Variants in LUC7L observed in about 807,000 individuals in gnomAD.
The protein encoded by LUC7L is putative RNA-binding protein Luc7-like 1.
Under a neutral mutation model 51.1 loss-of-function variants are expected in LUC7L, and 29 were observed. The observed-to-expected ratio is 0.57, with a 90% CI of 0.42 to 0.77. The LOEUF is 0.77. Ranked by LOEUF, LUC7L falls within the 30% of genes least tolerant of loss-of-function variation. The pLI is 0.00. For synonymous variants in LUC7L, 181 were observed against 180.7 expected (o/e 1.00, Z -0.01); for missense variants, 403 against 511.9 (o/e 0.79, Z 2.05).
intron 3 of LUC7L, among the ~76,000 whole-genome samples, chr16:218,130 T>C (rs1596666344): frequency 6.6e-6 from 1 of 150,728 alleles, no homozygotes; most frequent in African/African-American, 2.4e-5. Flanking sequence ...GAGGTGGAGG[T>C]TACAGTGAGC....
chr16:218,885 G>T (rs369556026), intron 3 of LUC7L, among the ~76,000 whole-genome samples: 19 of 119,844 alleles, frequency 1.6e-4, no homozygotes, highest in African/African-American at 6.0e-4. Context: ...GAGGGCAGAA[G>T]TTTGAGACCA....
At chr16:204,642 AT>A (rs1344832779) in intron 5 of LUC7L, among the ~76,000 whole-genome samples, 3 of 152,060 alleles carry the variant, frequency 2.0e-5, no homozygotes, top group Non-Finnish European at 4.4e-5. Context: ...AATAAAATAC[AT>A]TTATAGTACT....
chr16:209,451 C>G (rs528426155), intron 3 of LUC7L: 1 of 145,984 alleles, frequency 6.9e-6, no homozygotes, highest in East Asian at 2.0e-4. Context: ...GATGGCACCA[C>G]TGCACTCCAG....
intron 3 of LUC7L, among the ~76,000 whole-genome samples, chr16:218,610 A>G (rs1465235668): frequency 2.6e-5 from 4 of 152,006 alleles, no homozygotes; most frequent in African/African-American, 7.2e-5. Context: ...AATCTCAGCT[A>G]CTTGGGAGGC....
At chr16:214,918 C>G (rs574911517) in intron 3 of LUC7L, among the ~76,000 whole-genome samples, 1 of 152,224 alleles carries the variant, frequency 6.6e-6, no homozygotes, top group East Asian at 1.9e-4. Context: ...GGCAGAGATA[C>G]TTTTAGGCCA....
rs951723750 is a variant in LUC7L at position 218,949 on chromosome 16, A to G, written c.255+1700T>C. Among the ~76,000 whole-genome samples, 122 of 145,178 alleles carry G rather than the reference A, an allele frequency of 8.4e-4. 1 individual carries two copies. The highest frequency in any genetic ancestry group is 1.6e-3 in the South Asian group (7 of 4,330). ...CAAAAAAAAAAAAAAAAAAAAAAAA[A>G]AAGGCCGGGTGTGGTGGCACACACC... On this transcript the variant is annotated intron_variant, in intron 3 of 9. Coordinates refer to ENST00000293872, the MANE Select transcript of LUC7L (RefSeq NM_201412.3).
In LUC7L at chr16:190,021, C is replaced by T. The variant is rs540234635; in HGVS notation, c.921G>A (p.Arg307=). 6 of 1,614,066 alleles carry T rather than the reference C, an allele frequency of 3.7e-6. No homozygotes were observed. In the African/African-American group the frequency reaches 5.3e-5, roughly 14 times the overall value. Residue 307 remains arginine (R), a synonymous_variant, in exon 9 of 10, where the codon CGG becomes CGA. Coordinates refer to ENST00000293872, the MANE Select transcript of LUC7L (RefSeq NM_201412.3). ...DRHRRHRSRS[R]SHSRGHRRAS... ...CCCGACGATGTCCCCGGCTGTGGCT[C>T]CGGGAACGGCTGCGGTGGCGCCGAT...
At chr16:192,502 CTTT>C (rs398058029) in intron 7 of LUC7L, among the ~76,000 whole-genome samples, 12 of 125,622 alleles carry the variant, frequency 9.6e-5, no homozygotes, top group Admixed American at 3.5e-4. Context: ...ATGCTGTTTA[CTTT>C]TTTTTTTTTT....
rs1360653910 is a variant in LUC7L at position 206,049 on chromosome 16, A to G, written c.465T>C (p.Ile155=). ...CACGAACTTTTTCCACTTCCATAAG[A>G]ATCTTCTGGGATTCATCCACATTAC... ...AEGNVDESQK[I]LMEVEKVRAK... The change falls in exon 5 of 10, where the codon ATT becomes ATC. Residue 155 remains isoleucine, a synonymous_variant. Transcript: ENST00000293872. The G allele has an allele frequency of 8.7e-6, 14 of 1,613,558 alleles. No individual in the cohort carries two copies. Among genetic ancestry groups the G allele is most frequent in the Non-Finnish European group, 1.2e-5 (14 of 1,179,948 alleles).
chr16:200,822 C>T (rs2049302529), intron 5 of LUC7L, among the ~76,000 whole-genome samples: 1 of 151,962 alleles, frequency 6.6e-6, no homozygotes, highest in Non-Finnish European at 1.5e-5. Flanking sequence ...GTTGAAGGGG[C>T]AGTGACCTGT....
intron 1 of LUC7L, chr16:229,031 T>C (rs1245220669): frequency 5.6e-6 from 8 of 1,429,740 alleles, no homozygotes; most frequent in South Asian, 2.8e-5. Context: ...GGACGGTACA[T>C]AGGAAGGAGG....
chr16:191,029 G>A (rs2048996366), intron 7 of LUC7L, among the ~76,000 whole-genome samples: 1 of 152,174 alleles, frequency 6.6e-6, no homozygotes, highest in Admixed American at 6.6e-5. Flanking sequence ...TGAATGGGAA[G>A]TGCCAATGCT....
chr16:189,853 ACTCCTGAG>A, intron 9 of LUC7L, 107 bp downstream of exon 9: 1 of 1,487,924 alleles, frequency 6.7e-7, no homozygotes. Flanking sequence ...CCCCAGCCCT[ACTCCTGAG>A]GGTGAGCCCA....
At chr16:194,786 G>A (rs78369087) in intron 6 of LUC7L, among the ~76,000 whole-genome samples, 7,015 of 152,190 alleles carry the variant, frequency 0.046, 290 homozygotes, top group East Asian at 0.15. Context: ...TGAAAATACC[G>A]TCAACACAAG....
chr16:223,745 C>A (rs2050042890), intron 2 of LUC7L, among the ~76,000 whole-genome samples: 1 of 151,940 alleles, frequency 6.6e-6, no homozygotes, highest in Non-Finnish European at 1.5e-5. Context: ...TCTCAGCTCA[C>A]TGCAACCTCT....
intron 1 of LUC7L, 62 bp downstream of exon 1, chr16:229,217 C>A: frequency 6.6e-7 from 1 of 1,510,068 alleles, no homozygotes; most frequent in Non-Finnish European, 8.8e-7. Context: ...CGCCTCAGGC[C>A]GCCCGGCGGC....
chr16:206,296 G>C (rs567734161), intron 4 of LUC7L, 149 bp from the exon 5 acceptor site: 29 of 737,278 alleles, frequency 3.9e-5, no homozygotes, highest in Non-Finnish European at 6.3e-5. Flanking sequence ...CTTACTGCCA[G>C]CATTGAGACT....
chr16:216,964 G>C (rs750952254), intron 3 of LUC7L, among the ~76,000 whole-genome samples: 17 of 152,190 alleles, frequency 1.1e-4, no homozygotes, highest in Middle Eastern at 3.4e-3. Flanking sequence ...CCAAAGTGTT[G>C]AGATTACAGG....
In LUC7L at chr16:220,758, GA is replaced by G. The variant is rs2049942831; in HGVS notation, c.157-12del. 1 of 1,604,608 alleles carries G rather than the reference GA, an allele frequency of 6.2e-7. No homozygotes were observed. The highest frequency in any genetic ancestry group is 1.1e-5 in the South Asian group (1 of 90,396). ...TCCTAAATCCATGCGCTGTGGGAAAGAAACAGAAAATGCAGACCTCAGTGCC... is the reference window on the plus strand; with the variant it reads ...TCCTAAATCCATGCGCTGTGGGAAAGAACAGAAAATGCAGACCTCAGTGCC... On this transcript the variant is annotated splice_polypyrimidine_tract_variant and intron_variant, in intron 2 of 9. Transcript: ENST00000293872.
Sources: allele counts gnomAD v4.1 joint callset (sites outside exome capture counted in the v4.1 genomes callset), GRCh38; gene constraint gnomAD v4.1.1; transcripts MANE v1.5; gene names NCBI Gene and HGNC (gene_info 2026-07-23, HGNC 2026-07-21).